CPXM2: variants seen among roughly 807,000 people sequenced by gnomAD.
The protein encoded by CPXM2 is inactive carboxypeptidase-like protein X2.
In CPXM2, 66 loss-of-function variants were observed where a neutral mutation model predicts 86.1. The ratio of observed to expected loss-of-function variants is 0.77; its 90% confidence interval spans 0.63 to 0.94. CPXM2 has a LOEUF of 0.94. CPXM2 is among the 40% of genes least tolerant of loss of function. CPXM2 has a pLI of 0.00. For synonymous variants in CPXM2, 388 were observed against 400.2 expected (o/e 0.97, Z 0.36); for missense variants, 948 against 1,026.3 (o/e 0.92, Z 1.04).
At chr10:123,924,726 C>G (rs1019749349) in intron 2 of CPXM2, among the ~76,000 whole-genome samples, 5 of 152,180 alleles carry the variant, frequency 3.3e-5, no homozygotes, top group Non-Finnish European at 7.3e-5. Flanking sequence ...TTCCAAGCCT[C>G]TAGTCCTGGC....
At chr10:123,765,991 G>C (rs1380410221) in intron 10 of CPXM2, among the ~76,000 whole-genome samples, 1 of 152,262 alleles carries the variant, frequency 6.6e-6, no homozygotes, top group African/African-American at 2.4e-5. Context: ...CTTCCTTGCA[G>C]TGGTTGATAC....
intron 10 of CPXM2, among the ~76,000 whole-genome samples, chr10:123,765,196 T>C (rs1203087876): frequency 2.6e-5 from 4 of 152,242 alleles, no homozygotes; most frequent in Admixed American, 2.6e-4. Flanking sequence ...AAGAATATTC[T>C]CTAATCATTG....
chr10:123,840,872 C>G (rs1234354280), intron 4 of CPXM2, among the ~76,000 whole-genome samples: 1 of 152,180 alleles, frequency 6.6e-6, no homozygotes, highest in African/African-American at 2.4e-5. Context: ...TCTCACTTAT[C>G]CCACTTTATT....
Position 123,746,008 on chromosome 10 carries a change from C to T in CPXM2, c.*756G>A, listed in dbSNP as rs1427583695. The T allele has an allele frequency of 6.6e-6, 1 of 152,110 alleles. No individual in the cohort carries two copies. Among genetic ancestry groups the T allele is most frequent in the African/African-American group, 2.4e-5 (1 of 41,420 alleles). 9.4% of individuals were successfully genotyped at this position (152,110 alleles called of 1,614,324 possible). A position where few individuals can be genotyped will look rare whatever the true frequency, so the allele number is the denominator to read the frequency against. ...TCTGGCCCTTCAGGAAGGCTGGCAC[C>T]TCTGGCTCTCCCTACCTGGGGAACC... On this transcript the variant is annotated 3_prime_UTR_variant, in exon 14 of 14. Transcript: ENST00000241305.
intron 2 of CPXM2, among the ~76,000 whole-genome samples, chr10:123,916,518 C>G (rs1945534707): frequency 6.6e-6 from 1 of 152,194 alleles, no homozygotes; most frequent in South Asian, 2.1e-4. Context: ...GACCAGTCGT[C>G]TCTGACTGCA....
chr10:123,912,641 G>A (rs1945500532), intron 2 of CPXM2, among the ~76,000 whole-genome samples: 1 of 152,202 alleles, frequency 6.6e-6, no homozygotes, highest in Non-Finnish European at 1.5e-5. Context: ...TGGGAGCATG[G>A]AAGTGTGAAC....
chr10:123,773,276 C>G (rs148653970), intron 7 of CPXM2, among the ~76,000 whole-genome samples: 19 of 136,310 alleles, frequency 1.4e-4, no homozygotes, highest in African/African-American at 4.7e-4. Context: ...GTGGTCATCA[C>G]CTCCCTCATT....
At chr10:123,765,188 G>T (rs1406470757) in intron 10 of CPXM2, among the ~76,000 whole-genome samples, 5 of 152,152 alleles carry the variant, frequency 3.3e-5, no homozygotes, top group African/African-American at 1.2e-4. Flanking sequence ...TTATTGAGAA[G>T]AATATTCTCT....
intron 3 of CPXM2, among the ~76,000 whole-genome samples, chr10:123,843,672 G>T (rs573207224): frequency 4.8e-4 from 73 of 152,186 alleles, no homozygotes; most frequent in African/African-American, 1.7e-3. Context: ...CTTTTAATTG[G>T]CAATGGAAAT....
intron 3 of CPXM2, among the ~76,000 whole-genome samples, chr10:123,851,565 C>G (rs376753248): frequency 6.6e-6 from 1 of 152,112 alleles, no homozygotes; most frequent in South Asian, 2.1e-4. Context: ...ATCAGGAGAT[C>G]CAGACCATTC....
chr10:123,911,206 ATCTAT>A (rs896332607), intron 2 of CPXM2, among the ~76,000 whole-genome samples: 2 of 152,098 alleles, frequency 1.3e-5, no homozygotes, highest in African/African-American at 4.8e-5. Context: ...GTTTCTCTTG[ATCTAT>A]CTAGTTTTGT....
intron 3 of CPXM2, among the ~76,000 whole-genome samples, chr10:123,855,120 C>G (rs113590418): frequency 5.4e-4 from 82 of 151,914 alleles, no homozygotes; most frequent in African/African-American, 1.8e-3. Flanking sequence ...ATATTCAGTC[C>G]TGTTATTCCC....
At chr10:123,839,352 T>A (rs1277714537) in intron 4 of CPXM2, among the ~76,000 whole-genome samples, 1 of 152,204 alleles carries the variant, frequency 6.6e-6, no homozygotes, top group East Asian at 1.9e-4. Context: ...ACATGTATAA[T>A]ATAAATAAAT....
rs530558788 is a variant in CPXM2 at position 123,865,129 on chromosome 10, G to A, written c.404-2406C>T. On this transcript the variant is annotated intron_variant, in intron 2 of 13. Transcript: ENST00000241305. This position sits in a 1 kb window ranked among gnomAD's most constrained non-coding sequence, Gnocchi z 4.7. ...ACCCACAGCACAGATGATGACTTTG[G>A]TGGGGGAGCCCAGATAAACACACAC... Among the ~76,000 whole-genome samples the A allele has an allele frequency of 5.2e-4, 79 of 152,340 alleles. No homozygotes were observed. The highest frequency in any genetic ancestry group is 1.8e-3 in the African/African-American group (75 of 41,578).
At chr10:123,922,276 T>C (rs1945585000) in intron 2 of CPXM2, among the ~76,000 whole-genome samples, 1 of 152,024 alleles carries the variant, frequency 6.6e-6, no homozygotes, top group Non-Finnish European at 1.5e-5. Context: ...CATGGTATAG[T>C]GATTTCTGAA....
rs1238986678 is a variant in CPXM2 at position 123,854,458 on chromosome 10, ATAATATATATTT to A, written c.513+8144_513+8155del. ...TAATATACTTTTATATATAATATAT[ATAATATATATTT>A]TATATATATTTGTTTTAGAGATAAG... is the stretch of plus-strand genomic sequence containing the variant. On this transcript the variant is annotated intron_variant, in intron 3 of 13. Coordinates refer to ENST00000241305, the MANE Select transcript of CPXM2 (RefSeq NM_198148.3). Among the ~76,000 whole-genome samples, 446 of 133,294 alleles carry A rather than the reference ATAATATATATTT, an allele frequency of 3.3e-3. 3 individuals carry two copies. Among genetic ancestry groups the A allele is most frequent in the African/African-American group, 0.012 (417 of 34,770 alleles). The allele number at this position is 133,294 out of a possible 152,430, so 87.4% of individuals were successfully genotyped here.
At chr10:123,867,807 A>G (rs1944820748) in intron 2 of CPXM2, among the ~76,000 whole-genome samples, 1 of 152,170 alleles carries the variant, frequency 6.6e-6, no homozygotes, top group African/African-American at 2.4e-5. Flanking sequence ...TGCTGGGATT[A>G]CAGGCATGAG....
chr10:123,933,542 AC>A (rs1945686453), intron 2 of CPXM2, among the ~76,000 whole-genome samples: 1 of 152,054 alleles, frequency 6.6e-6, no homozygotes, highest in African/African-American at 2.4e-5. Context: ...ACATGGTGAA[AC>A]CCCATCTCTA....
rs867254285 is a variant in CPXM2, at chr10:123,843,432, A to T, written c.514-944T>A. Reference sequence around the variant, plus strand: ...TTTTCCATGGCTATTTCACAGAGCTATTTTTTTTTTTTTTTTTTTGAGACG... The same window carrying T: ...TTTTCCATGGCTATTTCACAGAGCTTTTTTTTTTTTTTTTTTTTTGAGACG... On this transcript the variant is annotated intron_variant, in intron 3 of 13. Transcript: ENST00000241305. Among the ~76,000 whole-genome samples the T allele has an allele frequency of 5.5e-3, 696 of 126,332 alleles. 9 individuals carry two copies. Among genetic ancestry groups the T allele is most frequent in the African/African-American group, 0.019 (643 of 33,864 alleles). The allele number at this position is 126,332 out of a possible 152,430, so 82.9% of individuals were successfully genotyped here.
Sources: allele counts gnomAD v4.1 joint callset (sites outside exome capture counted in the v4.1 genomes callset), GRCh38; gene constraint gnomAD v4.1.1; non-coding constraint Gnocchi (gnomAD v3.1); transcripts MANE v1.5; gene names NCBI Gene and HGNC (gene_info 2026-07-23, HGNC 2026-07-21).